PON3: variants seen among roughly 807,000 people sequenced by gnomAD.
PON3 encodes paraoxonase 3.
In PON3, 37 loss-of-function variants were observed where a neutral mutation model predicts 36.3. The ratio of observed to expected loss-of-function variants is 1.02; its 90% CI spans 0.78 to 1.34. PON3 has a LOEUF of 1.34. Ranked by LOEUF, PON3 falls within the 40% of genes most tolerant of loss-of-function variation. The pLI is 0.00. For synonymous variants in PON3, 155 were observed against 154.8 expected, an observed-to-expected ratio of 1.00 and a Z score of -0.01; for missense variants, 415 against 426.5, an observed-to-expected ratio of 0.97 and a Z score of 0.24.
At chr7:95,386,740 A>C (rs979537974) in intron 3 of PON3, among the ~76,000 whole-genome samples, 2 of 152,172 alleles carry the variant, frequency 1.3e-5, no homozygotes, top group African/African-American at 2.4e-5. Context: ...CCCTCAAAAA[A>C]ATACTGGCAA....
At chr7:95,389,656 CTTG>C (rs2116421529) in intron 3 of PON3, among the ~76,000 whole-genome samples, 1 of 152,220 alleles carries the variant, frequency 6.6e-6, no homozygotes, top group African/African-American at 2.4e-5. Context: ...CTTTGAAAGA[CTTG>C]TTAAGAATGG....
Position 95,372,294 on chromosome 7 carries a change from T to C in PON3, c.246A>G (p.Pro82=). 6.2e-7 allele frequency: 1 copy of C among 1,613,978 alleles called. No homozygotes were observed. The highest frequency in any genetic ancestry group is 1.3e-5 in the African/African-American group (1 of 75,072). Residue 82 remains proline (P), a synonymous_variant, in exon 4 of 9, where the codon CCA becomes CCG. Coordinates refer to ENST00000265627, the MANE Select transcript of PON3 (RefSeq NM_000940.3). ...TCAGATCCATCAAGAAGATTTTTCC[T>C]GGTTCATCTGGCGCAAAGTTTGGCA... ...PGMPNFAPDE[P]GKIFLMDLNE... is the part of the protein sequence containing the mutation.
At chr7:95,387,059 C>T (rs1409920107) in intron 3 of PON3, among the ~76,000 whole-genome samples, 2 of 152,110 alleles carry the variant, frequency 1.3e-5, no homozygotes, top group African/African-American at 4.8e-5. Flanking sequence ...GGAAGCATTC[C>T]ATTTGAAAAC....
intron 5 of PON3, 50 bp downstream of exon 5, chr7:95,367,312 A>T: frequency 6.2e-7 from 1 of 1,601,452 alleles, no homozygotes; most frequent in East Asian, 2.2e-5. Flanking sequence ...TACAAAGCAC[A>T]CAGCAGAGGT....
chr7:95,367,476 T>A lies in PON3; in HGVS notation c.380A>T (p.Tyr127Phe). Residue 127 changes from tyrosine to phenylalanine, a missense_variant, in exon 5 of 9, where the codon TAT (tyrosine) becomes TTT (phenylalanine). Coordinates refer to ENST00000265627, the MANE Select transcript of PON3 (RefSeq NM_000940.3). ...GTGGGGATGATTCACAACATAAAGATACACAGTATTGTCTACATGGAAAAA... is the reference window on the plus strand; with the variant it reads ...GTGGGGATGATTCACAACATAAAGAAACACAGTATTGTCTACATGGAAAAA... ...SIFIDKDNTVYLYVVNHPHMK... is the reference protein window; with the variant it reads ...SIFIDKDNTVFLYVVNHPHMK... 6.2e-7 allele frequency: 1 copy of A among 1,613,142 alleles called. No homozygotes were observed. Among genetic ancestry groups the A allele is most frequent in the Non-Finnish European group, 8.5e-7 (1 of 1,179,364 alleles).
At chr7:95,394,320 A>G (rs571236517) in intron 2 of PON3, among the ~76,000 whole-genome samples, 1 of 152,178 alleles carries the variant, frequency 6.6e-6, no homozygotes, top group Non-Finnish European at 1.5e-5. Context: ...AAAAAAAGGA[A>G]AGGTAACAGA....
chr7:95,396,147 T>C, intron 1 of PON3, 130 bp downstream of exon 1: 2 of 979,806 alleles, frequency 2.0e-6, no homozygotes, highest in Non-Finnish European at 3.3e-6. Flanking sequence ...GTTTGCTGGG[T>C]GAGATGGAGG....
At chr7:95,377,033 C>A (rs73434607) in intron 3 of PON3, among the ~76,000 whole-genome samples, 3 of 152,202 alleles carry the variant, frequency 2.0e-5, no homozygotes, top group Admixed American at 2.0e-4. Flanking sequence ...AGGAACGGTA[C>A]GCTCCTGCCC....
chr7:95,360,975 A>G (rs1425463933), intron 8 of PON3, among the ~76,000 whole-genome samples: 1 of 152,144 alleles, frequency 6.6e-6, no homozygotes, highest in African/African-American at 2.4e-5. Flanking sequence ...TTGTGACAAA[A>G]AGTCTTATCT....
rs1246571437 is a variant in PON3, at chr7:95,360,056, G to A, written c.982C>T (p.Gln328Ter). The change falls in exon 9 of 9, where the codon CAG (glutamine) becomes TAG (stop). Residue 328 changes from glutamine to a stop codon, truncating the protein, a stop_gained. Transcript: ENST00000265627. LOFTEE classifies it high-confidence loss of function. ...TACACAGAAGCCACAGAGGTGCCCTGAAGCACAGAGCCATTGTTGGCATAC... is the reference window on the plus strand; with the variant it reads ...TACACAGAAGCCACAGAGGTGCCCTAAAGCACAGAGCCATTGTTGGCATAC... ...TVYANNGSVLQGTSVASVYHG... is the reference protein window; with the variant it reads ...TVYANNGSVL 2 of 1,613,288 alleles carry A rather than the reference G, an allele frequency of 1.2e-6. No homozygotes were observed. Among genetic ancestry groups the A allele is most frequent in the South Asian group, 2.2e-5 (2 of 91,064 alleles).
In PON3 at chr7:95,359,923, A is replaced by G. The variant is rs572578995; in HGVS notation, c.*50T>C. ...CCACTTATCATACAATTATCAGTTT[A>G]CTTTTACAAAATATGTAGACTTTTT... On this transcript the variant is annotated 3_prime_UTR_variant, in exon 9 of 9. Transcript: ENST00000265627. 1.3e-6 allele frequency: 2 copies of G among 1,549,380 alleles called. No homozygotes were observed. Among genetic ancestry groups the G allele is most frequent in the South Asian group, 1.2e-5 (1 of 85,750 alleles).
intron 3 of PON3, among the ~76,000 whole-genome samples, chr7:95,378,119 T>C (rs1808961746): frequency 6.6e-6 from 1 of 152,042 alleles, no homozygotes; most frequent in South Asian, 2.1e-4. Flanking sequence ...ATGCACAAGC[T>C]TCAATAGCCG....
chr7:95,383,935 G>A (rs1433496008), intron 3 of PON3, among the ~76,000 whole-genome samples: 2 of 152,030 alleles, frequency 1.3e-5, no homozygotes, highest in Admixed American at 6.6e-5. Context: ...GAGGCATCAC[G>A]CTACCTGACT....
intron 6 of PON3, among the ~76,000 whole-genome samples, chr7:95,363,266 G>C (rs192412953): frequency 6.6e-6 from 1 of 151,530 alleles, no homozygotes; most frequent in African/African-American, 2.4e-5. Flanking sequence ...TTTTCTACAG[G>C]GATCATCTTT....
At position 95,362,841 on chromosome 7, in the gene PON3, C is replaced by T; in HGVS notation, c.696G>A (p.Lys232=). 6.2e-7 allele frequency: 1 copy of T among 1,602,612 alleles called. No individual in the cohort carries two copies. Among genetic ancestry groups the T allele is most frequent in the Non-Finnish European group, 8.5e-7 (1 of 1,169,984 alleles). The change falls in exon 7 of 9, where the codon AAG becomes AAA. Residue 232 remains lysine (K), a splice_region_variant and synonymous_variant. Coordinates refer to ENST00000265627, the MANE Select transcript of PON3 (RefSeq NM_000940.3). ...ANGITVSADQ[K]YVYVADVAAK... is the part of the protein sequence containing the mutation. ...CTGCTACATCAGCTACATAGACATA[C>T]CTTTGAAGTAAATGACATTTACACT...
At position 95,360,148 on chromosome 7, in the gene PON3, G is replaced by A. The variant is rs577206906; in HGVS notation, c.907-17C>T. 29 of 1,606,936 alleles carry A rather than the reference G, an allele frequency of 1.8e-5. No homozygotes were observed. Among genetic ancestry groups the A allele is most frequent in the South Asian group, 9.9e-5 (9 of 90,924 alleles). ...GCGAAGTACCTGTCGAGAAAAGATC[G>A]TTTATTAGTATATTATGTGAGTAAA... On this transcript the variant is annotated splice_polypyrimidine_tract_variant and intron_variant, in intron 8 of 8. Transcript: ENST00000265627.
intron 3 of PON3, among the ~76,000 whole-genome samples, chr7:95,383,416 C>T (rs1809110240): frequency 6.6e-6 from 1 of 152,112 alleles, no homozygotes; most frequent in South Asian, 2.1e-4. Flanking sequence ...TCAAATTGTC[C>T]CTGTTTGCAG....
intron 6 of PON3, 107 bp downstream of exon 6, chr7:95,363,756 C>A (rs917623091): frequency 1.8e-6 from 2 of 1,084,744 alleles, no homozygotes; most frequent in Admixed American, 1.7e-5. Context: ...TCCCTCCACA[C>A]ATATATTCAC....
At chr7:95,375,674 G>A (rs942510489) in intron 3 of PON3, among the ~76,000 whole-genome samples, 2 of 152,154 alleles carry the variant, frequency 1.3e-5, no homozygotes, top group Non-Finnish European at 2.9e-5. Context: ...GATAGATAAG[G>A]GCAGGGCACT....
Sources: allele counts gnomAD v4.1 joint callset (sites outside exome capture counted in the v4.1 genomes callset), GRCh38; gene constraint gnomAD v4.1.1; transcripts MANE v1.5; gene names NCBI Gene and HGNC (gene_info 2026-07-23, HGNC 2026-07-21).